Variants in ELP1 observed in about 807,000 individuals in gnomAD.
ELP1 encodes elongator acetyltransferase complex subunit 1.
ELP1 carries 131 observed loss-of-function variants against 183.2 expected under a neutral mutation model. The observed-to-expected ratio is 0.72, with a 90% CI of 0.62 to 0.83. The LOEUF is 0.83. ELP1 is among the 40% of genes least tolerant of loss of function. ELP1 has a pLI of 0.00. For synonymous variants in ELP1, 555 were observed against 569.0 expected (o/e 0.98, Z 0.35); for missense variants, 1,550 against 1,594.9 (o/e 0.97, Z 0.48).
chr9:108,899,968 C>T, intron 19 of ELP1, 73 bp from the exon 20 acceptor site: 3 of 1,180,182 alleles, frequency 2.5e-6, no homozygotes, highest in Non-Finnish European at 3.8e-6. Context: ...CACCATTTTA[C>T]CTAACTCTTC....
At position 108,929,940 on chromosome 9, in the gene ELP1, C is replaced by T; in HGVS notation, c.151-19G>A. On this transcript the variant is annotated intron_variant, in intron 2 of 36. Coordinates refer to ENST00000374647, the MANE Select transcript of ELP1 (RefSeq NM_003640.5). ...TTTTCACCTTTCACCAAAGTAAACA[C>T]AAGCAAATTAACCCAGTCTACTTTC... 1 of 1,612,612 alleles carries T rather than the reference C, an allele frequency of 6.2e-7. No individual in the cohort carries two copies. Among genetic ancestry groups the T allele is most frequent in the Non-Finnish European group, 8.5e-7 (1 of 1,179,648 alleles).
chr9:108,876,214 C>T (rs1420149488), intron 35 of ELP1, among the ~76,000 whole-genome samples: 2 of 152,048 alleles, frequency 1.3e-5, no homozygotes, highest in Non-Finnish European at 2.9e-5. Context: ...GCGGTGGATG[C>T]TGCAGTGAGC....
intron 6 of ELP1, among the ~76,000 whole-genome samples, chr9:108,921,189 C>T (rs1260959442): frequency 9.2e-5 from 14 of 152,066 alleles, no homozygotes; most frequent in Non-Finnish European, 1.6e-4. Context: ...GAATAGCCAT[C>T]ACCATAATCT....
At chr9:108,895,758 AC>A in intron 25 of ELP1, among the ~76,000 whole-genome samples, 1 of 152,278 alleles carries the variant, frequency 6.6e-6, no homozygotes. Flanking sequence ...AAATATGCAT[AC>A]CAGTGGTGTT....
chr9:108,879,531 A>C lies in ELP1; in HGVS notation c.3487T>G (p.Ser1163Ala), dbSNP rs1587872506. 12 of 1,613,886 alleles carry C rather than the reference A, an allele frequency of 7.4e-6. No individual in the cohort carries two copies. The highest frequency in any genetic ancestry group is 9.3e-6 in the Non-Finnish European group (11 of 1,179,918). ...LDDEVPHGQE[S>A]DLFSETSSVV... ...CTGCTAGTTTCAGAGAAGAGGTCTG[A>C]CTCTTGCCCGTGGGGTACCTCATCA... Residue 1163 changes from serine (S) to alanine (A), a missense_variant, in exon 33 of 37, where the codon TCA (serine) becomes GCA (alanine). Transcript: ENST00000374647.
At chr9:108,906,589 C>T in intron 13 of ELP1, 104 bp from the exon 14 acceptor site, 2 of 895,184 alleles carry the variant, frequency 2.2e-6, no homozygotes, top group Non-Finnish European at 3.6e-6. Flanking sequence ...ACAGTCCACT[C>T]CTAATTATTT....
chr9:108,920,282 T>A (rs964430504), intron 6 of ELP1, among the ~76,000 whole-genome samples: 15 of 141,552 alleles, frequency 1.1e-4, no homozygotes, highest in African/African-American at 3.1e-4. Context: ...CTCACCCAAT[T>A]TTTTTTTTTT....
At chr9:108,876,841 C>A (rs1827724690) in intron 35 of ELP1, among the ~76,000 whole-genome samples, 1 of 151,384 alleles carries the variant, frequency 6.6e-6, no homozygotes, top group Non-Finnish European at 1.5e-5. Flanking sequence ...AAGCGATTCT[C>A]TTGCCTCAGC....
intron 6 of ELP1, 86 bp downstream of exon 6, chr9:108,922,756 T>C: frequency 1.1e-6 from 1 of 948,628 alleles, no homozygotes. Flanking sequence ...ATTACTGGCA[T>C]CTAAGTGGAC....
chr9:108,927,329 T>C, intron 4 of ELP1, 43 bp downstream of exon 4: 1 of 1,478,780 alleles, frequency 6.8e-7, no homozygotes, highest in Non-Finnish European at 9.5e-7. Context: ...ACATCTGGAA[T>C]AATGTTTTAA....
At position 108,878,744 on chromosome 9, in the gene ELP1, TG is replaced by T. The variant is rs1827798347; in HGVS notation, c.3578del (p.Ser1193TyrfsTer30). On this transcript the variant is annotated frameshift_variant, in exon 34 of 37. Coordinates refer to ENST00000374647, the MANE Select transcript of ELP1 (RefSeq NM_003640.5). LOFTEE classifies it high-confidence loss of function. ...SHSNSRISAR[S>X]SKNRRKAERK... ...GCTCCGCTTTTCGGCGATTCTTGGA[TG>T]ATCTCCTGTTAGAAATTACACAGAT... is the stretch of plus-strand genomic sequence containing the variant. 1.2e-6 allele frequency: 2 copies of T among 1,614,092 alleles called. No homozygotes were observed. Among genetic ancestry groups the T allele is most frequent in the Non-Finnish European group, 1.7e-6 (2 of 1,180,036 alleles).
rs1827838970 is a variant in ELP1, at chr9:108,879,563, AAAG to A, written c.3461-9_3461-7del. 1 of 1,605,016 alleles carries A rather than the reference AAAG, an allele frequency of 6.2e-7. No individual in the cohort carries two copies. Among genetic ancestry groups the A allele is most frequent in the Non-Finnish European group, 8.5e-7 (1 of 1,171,738 alleles). ...CCCGTGGGGTACCTCATCATCTAGA[AAAG>A]AAGAACCAGAAGCCGATGAAAACAC... On this transcript the variant is annotated splice_region_variant and splice_polypyrimidine_tract_variant and intron_variant, in intron 32 of 36. Coordinates refer to ENST00000374647, the MANE Select transcript of ELP1 (RefSeq NM_003640.5).
chr9:108,902,189 T>A (rs1330553264), intron 16 of ELP1, among the ~76,000 whole-genome samples: 1 of 152,198 alleles, frequency 6.6e-6, no homozygotes, highest in African/African-American at 2.4e-5. Flanking sequence ...GAGTTTGTTG[T>A]TCCTTCTGCC....
At chr9:108,893,877 T>G in intron 26 of ELP1, 66 bp downstream of exon 26, 1 of 1,554,034 alleles carries the variant, frequency 6.4e-7, no homozygotes, top group South Asian at 1.1e-5. Flanking sequence ...AACAGTTTAA[T>G]TTATACCTTG....
intron 5 of ELP1, among the ~76,000 whole-genome samples, chr9:108,924,502 C>A (rs1264648164): frequency 6.6e-6 from 1 of 151,968 alleles, no homozygotes; most frequent in African/African-American, 2.4e-5. Context: ...GTGGGAAACA[C>A]CAGGCCCAGA....
At chr9:108,883,092 T>G (rs986666469) in intron 29 of ELP1, among the ~76,000 whole-genome samples, 1 of 152,246 alleles carries the variant, frequency 6.6e-6, no homozygotes, top group Non-Finnish European at 1.5e-5. Context: ...GTGTTTTTGG[T>G]ATTAATTCTA....
At chr9:108,900,612 A>C (rs1281427949) in intron 18 of ELP1, among the ~76,000 whole-genome samples, 1 of 152,216 alleles carries the variant, frequency 6.6e-6, no homozygotes, top group East Asian at 1.9e-4. Flanking sequence ...TTCTCAAATG[A>C]TGTGGAGAAA....
chr9:108,932,946 C>T (rs1587930249), intron 1 of ELP1, among the ~76,000 whole-genome samples: 1 of 152,308 alleles, frequency 6.6e-6, no homozygotes, highest in South Asian at 2.1e-4. Flanking sequence ...CTGATAACTG[C>T]TTCATTTTCT....
rs1205641282 is a variant in ELP1, at chr9:108,906,474, T to C, written c.1472A>G (p.Glu491Gly). 1 of 1,613,260 alleles carries C rather than the reference T, an allele frequency of 6.2e-7. No individual in the cohort carries two copies. Among genetic ancestry groups the C allele is most frequent in the East Asian group, 2.2e-5 (1 of 44,886 alleles). ...GTTTACATCTTGATCTTCATTATTCTCAAACTGGATTCTATTGTAAATATT... is the reference window on the plus strand; with the variant it reads ...GTTTACATCTTGATCTTCATTATTCCCAAACTGGATTCTATTGTAAATATT... ...HLEKRYKIQF[E>G]NNEDQDVNPL... Residue 491 changes from glutamate (E) to glycine (G), a missense_variant, in exon 14 of 37, where the codon GAG becomes GGG. Physicochemically the swap from Glu to Gly is moderately conservative, Grantham distance 98. Coordinates refer to ENST00000374647, the MANE Select transcript of ELP1 (RefSeq NM_003640.5).
Sources: gnomAD v4.1 joint callset for allele counts (sites outside exome capture counted in the v4.1 genomes callset) on GRCh38, gnomAD v4.1.1 for gene constraint, MANE v1.5 for transcripts, NCBI Gene and HGNC (gene_info 2026-07-23, HGNC 2026-07-21) for gene names.